EPB41L2: variants seen among roughly 807,000 people sequenced by gnomAD.
EPB41L2 encodes the protein band 4.1-like protein 2.
In EPB41L2, 43 loss-of-function variants were observed where a neutral mutation model predicts 113.0. That is an observed-to-expected ratio of 0.38 (90% CI 0.30 to 0.49). The LOEUF (loss-of-function observed/expected upper bound fraction) is 0.49. Among genes scored for constraint, EPB41L2 ranks in the 20% least tolerant of loss-of-function variants. The probability of loss-of-function intolerance (pLI) is 0.95; values close to 1 mark genes in which losing one functional copy is unlikely to be tolerated. For synonymous variants in EPB41L2, 442 were observed against 436.7 expected, an observed-to-expected ratio of 1.01 and a Z score of -0.15; for missense variants, 1,147 against 1,223.4, an observed-to-expected ratio of 0.94 and a Z score of 0.93.
chr6:131,042,588 T>G (rs1466577948), intron 1 of EPB41L2, among the ~76,000 whole-genome samples: 1 of 152,208 alleles, frequency 6.6e-6, no homozygotes, highest in Non-Finnish European at 1.5e-5. Flanking sequence ...TTATTTAATT[T>G]CCCACATAAA....
chr6:131,053,406 C>T (rs549166487), intron 1 of EPB41L2, among the ~76,000 whole-genome samples: 13 of 121,856 alleles, frequency 1.1e-4, no homozygotes, highest in South Asian at 5.3e-4. Flanking sequence ...CATTAGGAGA[C>T]GGGACGAAGG....
chr6:130,887,141 GT>G (rs1239616033), intron 11 of EPB41L2, among the ~76,000 whole-genome samples: 1 of 152,150 alleles, frequency 6.6e-6, no homozygotes, highest in Non-Finnish European at 1.5e-5. Context: ...CAAATTAAAA[GT>G]TATTAAAGTT....
chr6:130,962,647 G>T (rs1178250023), intron 1 of EPB41L2, among the ~76,000 whole-genome samples: 1 of 152,128 alleles, frequency 6.6e-6, no homozygotes, highest in Non-Finnish European at 1.5e-5. Context: ...CTAATATCCG[G>T]TTTAAATTAA....
At chr6:131,050,123 G>A (rs1796237324) in intron 1 of EPB41L2, among the ~76,000 whole-genome samples, 1 of 152,224 alleles carries the variant, frequency 6.6e-6, no homozygotes, top group South Asian at 2.1e-4. Flanking sequence ...CAGATCACCT[G>A]AGGTCAGGAG....
chr6:130,955,638 G>A lies in EPB41L2; in HGVS notation c.493-321C>T, dbSNP rs552194379. 1.6e-4 allele frequency among the ~76,000 whole-genome samples: 24 copies of A among 152,286 alleles called. No individual in the cohort carries two copies. The South Asian group carries it at 4.6e-3, about 29-fold the overall frequency. On this transcript the variant is annotated intron_variant, in intron 2 of 19. Transcript: ENST00000337057. ...TATACCATGGCAAAACCTAGGCTTT[G>A]TTAGGCAACTAAAATGCGCACACAC...
chr6:130,880,189 T>C lies in EPB41L2; in HGVS notation c.1851A>G (p.Val617=), dbSNP rs1305556156. 3 of 1,609,442 alleles carry C rather than the reference T, an allele frequency of 1.9e-6. No homozygotes were observed. Among genetic ancestry groups the C allele is most frequent in the Non-Finnish European group, 2.6e-6 (3 of 1,175,882 alleles). Residue 617 remains valine, a synonymous_variant, in exon 13 of 20, where the codon GTA becomes GTG. Coordinates refer to ENST00000337057, the MANE Select transcript of EPB41L2 (RefSeq NM_001431.4). ...GTCTGACATAAATATTATCCCCTTC[T>C]ACTCTCAAGGAATTTTTCTGTGAAA... ...LIEGKKNSLR[V]EGDNIYVRHS... is the part of the protein sequence containing the mutation.
chr6:130,980,996 T>C (rs1037436132), intron 1 of EPB41L2, among the ~76,000 whole-genome samples: 2 of 152,054 alleles, frequency 1.3e-5, no homozygotes, highest in Non-Finnish European at 2.9e-5. Context: ...TTAAAATAAA[T>C]TTACTGTAAT....
rs757528439 is a variant in EPB41L2 at position 131,029,391 on chromosome 6, TAA to T, written c.-15+33762_-15+33763del. ...CACCCACCCTACTTCAGCATTTGTT[TAA>T]AAAAAAAAAAAAAAAAAAAAAGCAT... On this transcript the variant is annotated intron_variant, in intron 1 of 19. Transcript: ENST00000337057. 2.1e-3 allele frequency among the ~76,000 whole-genome samples: 252 copies of T among 119,458 alleles called. 1 individual carries two copies. The highest frequency in any genetic ancestry group is 7.3e-3 in the African/African-American group (223 of 30,552). 78.4% of individuals were successfully genotyped at this position (119,458 alleles called of 152,430 possible).
chr6:130,946,482 A>G (rs536954625), intron 3 of EPB41L2, among the ~76,000 whole-genome samples: 7 of 152,282 alleles, frequency 4.6e-5, no homozygotes, highest in African/African-American at 1.7e-4. Context: ...CACAAATTTC[A>G]AAGATGGCGA....
At chr6:130,911,928 C>T (rs538068918) in intron 4 of EPB41L2, among the ~76,000 whole-genome samples, 9 of 152,224 alleles carry the variant, frequency 5.9e-5, no homozygotes, top group Admixed American at 5.2e-4. Context: ...GGACTGGTAC[C>T]GATCGTGGCC....
chr6:130,992,127 G>C (rs963515255), intron 1 of EPB41L2, among the ~76,000 whole-genome samples: 1 of 152,132 alleles, frequency 6.6e-6, no homozygotes, highest in African/African-American at 2.4e-5. Context: ...TATATTCATT[G>C]ACTCAACACG....
chr6:130,857,904 A>G (rs1780782135), intron 19 of EPB41L2, among the ~76,000 whole-genome samples: 1 of 152,192 alleles, frequency 6.6e-6, no homozygotes. Context: ...ATGAATGTCA[A>G]TCATTAGCAG....
At chr6:130,865,394 A>G (rs1306351930) in intron 17 of EPB41L2, 142 bp downstream of exon 17, 3 of 760,664 alleles carry the variant, frequency 3.9e-6, no homozygotes, top group Admixed American at 7.1e-5. Context: ...AATTTCTTGG[A>G]TACTTTAAAC....
At chr6:130,969,508 T>C (rs1371923636) in intron 1 of EPB41L2, among the ~76,000 whole-genome samples, 1 of 152,206 alleles carries the variant, frequency 6.6e-6, no homozygotes, top group African/African-American at 2.4e-5. Context: ...TTCACATTTA[T>C]TCAATGTGAC....
chr6:130,974,059 A>G (rs758180349), intron 1 of EPB41L2, among the ~76,000 whole-genome samples: 9 of 152,014 alleles, frequency 5.9e-5, no homozygotes, highest in Non-Finnish European at 1.2e-4. Context: ...TTACTCTCCT[A>G]CTGCTATAAA....
Position 130,870,113 on chromosome 6 carries a change from G to A in EPB41L2, c.2057C>T (p.Thr686Ile). 1 of 1,610,262 alleles carries A rather than the reference G, an allele frequency of 6.2e-7. No homozygotes were observed. The highest frequency in any genetic ancestry group is 8.5e-7 in the Non-Finnish European group (1 of 1,177,652). The change falls in exon 15 of 20, where the codon ACT becomes ATT. Residue 686 changes from threonine to isoleucine, a missense_variant. Coordinates refer to ENST00000337057, the MANE Select transcript of EPB41L2 (RefSeq NM_001431.4). Reference protein sequence around the residue: ...SLQTQGSSHETLNIVEEKKRA... With the variant: ...SLQTQGSSHEILNIVEEKKRA... ...CTTCTTCTCCTCCACTATATTCAGAGTCTCATGTGAACTCTGTACAAAAAA... is the reference window on the plus strand; with the variant it reads ...CTTCTTCTCCTCCACTATATTCAGAATCTCATGTGAACTCTGTACAAAAAA...
intron 1 of EPB41L2, among the ~76,000 whole-genome samples, chr6:130,986,895 T>A (rs1308293012): frequency 2.6e-5 from 4 of 152,238 alleles, no homozygotes; most frequent in Non-Finnish European, 5.9e-5. Context: ...ATACTCCAGC[T>A]GTCACACCCC....
chr6:130,843,440 C>T (rs771377598), intron 19 of EPB41L2, among the ~76,000 whole-genome samples: 16 of 152,192 alleles, frequency 1.1e-4, no homozygotes, highest in Non-Finnish European at 1.5e-4. Context: ...TTTCTCTAAG[C>T]TTGAATTCTA....
intron 14 of EPB41L2, among the ~76,000 whole-genome samples, chr6:130,872,827 T>G (rs1786207605): frequency 6.6e-6 from 1 of 152,140 alleles, no homozygotes; most frequent in African/African-American, 2.4e-5. Context: ...AAACGCCATT[T>G]CATATATTCT....
Sources: gnomAD v4.1 joint callset for allele counts (sites outside exome capture counted in the v4.1 genomes callset) on GRCh38, gnomAD v4.1.1 for gene constraint, MANE v1.5 for transcripts, NCBI Gene and HGNC (gene_info 2026-07-23, HGNC 2026-07-21) for gene names.